The following ANKDD1B variants were observed in gnomAD, a reference collection of about 807,000 sequenced individuals.
ANKDD1B encodes ankyrin repeat and death domain-containing protein 1B.
ANKDD1B carries 57 observed loss-of-function variants against 59.7 expected under a neutral mutation model. The observed-to-expected ratio is 0.95, with a 90% CI of 0.77 to 1.19. The LOEUF is 1.19. Among genes scored for constraint, ANKDD1B ranks in the 50% most tolerant of loss-of-function variants. ANKDD1B has a pLI of 0.00. For missense variants in ANKDD1B, 602 were observed against 641.9 expected (o/e 0.94, Z 0.67); for synonymous variants, 216 against 239.5 (o/e 0.90, Z 0.91).
chr5:75,616,809 C>A lies in ANKDD1B; in HGVS notation c.199C>A (p.Pro67Thr). 1 of 1,507,862 alleles carries A rather than the reference C, an allele frequency of 6.6e-7. No individual in the cohort carries two copies. Among genetic ancestry groups the A allele is most frequent in the Non-Finnish European group, 8.9e-7 (1 of 1,123,954 alleles). The allele number at this position is 1,507,862 out of a possible 1,614,324, so 93.4% of individuals were successfully genotyped here. A position where few individuals can be genotyped will look rare whatever the true frequency, so the allele number is the denominator to read the frequency against. ...CTTGCTTTGCTTTCTTTCAGTACTC[C>A]CAAATGAGAGAAGCTTTCAGAATGC... ...TAVAGHELLLPNERSFQNAAK... is the reference protein window; with the variant it reads ...TAVAGHELLLTNERSFQNAAK... The change falls in exon 2 of 14, where the codon CCA becomes ACA. Residue 67 changes from proline to threonine, a missense_variant. By Grantham distance (38) the Pro-to-Thr change is conservative. Transcript: ENST00000601380.
At chr5:75,622,425 G>C (rs963287538) in intron 3 of ANKDD1B, among the ~76,000 whole-genome samples, 5 of 152,224 alleles carry the variant, frequency 3.3e-5, no homozygotes, top group African/African-American at 1.2e-4. Flanking sequence ...TATCTGGGGA[G>C]CAAGGACAGA....
Position 75,635,909 on chromosome 5 carries a change from T to C in ANKDD1B, c.798+27T>C, listed in dbSNP as rs769999034. 1.8e-5 allele frequency: 26 copies of C among 1,413,634 alleles called. No homozygotes were observed. In the African/African-American group the frequency reaches 2.4e-4, roughly 13 times the overall value. The allele number at this position is 1,413,634 out of a possible 1,614,324, so 87.6% of individuals were successfully genotyped here. On this transcript the variant is annotated intron_variant, in intron 7 of 13. Coordinates refer to ENST00000601380, the MANE Select transcript of ANKDD1B (RefSeq NM_001276713.2). The stretch of plus-strand genomic sequence containing the variant: ...TATGTGGAAGTGCTCGTTATTGCCA[T>C]AGGACTTAAATGTGGAAGGGTTGGA...
intron 6 of ANKDD1B, 196 bp from the exon 7 acceptor site, chr5:75,635,588 C>CA: frequency 2.6e-6 from 1 of 387,688 alleles, no homozygotes; most frequent in Non-Finnish European, 4.6e-6. Flanking sequence ...CCTACTGGTT[C>CA]AAAAAACTAT....
intron 3 of ANKDD1B, among the ~76,000 whole-genome samples, chr5:75,622,436 G>A (rs928965964): frequency 1.4e-4 from 21 of 152,328 alleles, no homozygotes; most frequent in Non-Finnish European, 2.4e-4. Context: ...CAAGGACAGA[G>A]ACTGTACCAG....
At chr5:75,662,961 G>T (rs1561450961) in intron 10 of ANKDD1B, among the ~76,000 whole-genome samples, 1 of 152,080 alleles carries the variant, frequency 6.6e-6, no homozygotes, top group Non-Finnish European at 1.5e-5. Context: ...TCAAAACATG[G>T]CTTCTACTTC....
chr5:75,630,738 T>TA (rs2112972678), intron 5 of ANKDD1B, among the ~76,000 whole-genome samples: 1 of 152,356 alleles, frequency 6.6e-6, no homozygotes, highest in South Asian at 2.1e-4. Flanking sequence ...ATTTATTAAC[T>TA]TCGAACTAAA....
chr5:75,639,050 CA>C (rs1411792439), intron 7 of ANKDD1B, among the ~76,000 whole-genome samples: 3 of 152,206 alleles, frequency 2.0e-5, no homozygotes, highest in Admixed American at 2.0e-4. Flanking sequence ...GAAACCTTAT[CA>C]GGCTCTGGGT....
rs536142269 is a variant in ANKDD1B, at chr5:75,668,500, C to T, written c.1394-752C>T. Among the ~76,000 whole-genome samples the T allele has an allele frequency of 2.6e-5, 4 of 152,250 alleles. No individual in the cohort carries two copies. The South Asian group carries it at 6.2e-4, about 24-fold the overall frequency. On this transcript the variant is annotated intron_variant, in intron 12 of 13. Coordinates refer to ENST00000601380, the MANE Select transcript of ANKDD1B (RefSeq NM_001276713.2). ...TGCAGTTCCCTCTCCCTGAAATGCC[C>T]GCTTCTCCATATCAGTCTGTCCAGT...
At chr5:75,652,191 A>C (rs1227019828) in intron 7 of ANKDD1B, among the ~76,000 whole-genome samples, 1 of 152,222 alleles carries the variant, frequency 6.6e-6, no homozygotes. Flanking sequence ...ACAATTAATC[A>C]GTCAACAACG....
At chr5:75,648,866 T>C (rs1320659274) in intron 7 of ANKDD1B, among the ~76,000 whole-genome samples, 2 of 152,234 alleles carry the variant, frequency 1.3e-5, no homozygotes, top group African/African-American at 4.8e-5. Flanking sequence ...ACACTTCACC[T>C]GCTGACACTG....
intron 5 of ANKDD1B, among the ~76,000 whole-genome samples, chr5:75,631,799 T>C (rs924449): frequency 0.028 from 4,327 of 152,188 alleles, 190 homozygotes; most frequent in African/African-American, 0.094. Flanking sequence ...AAATGTTTAG[T>C]TGAACCTTAA....
rs908957007 is a variant in ANKDD1B at position 75,671,065 on chromosome 5, T to A, written c.*25T>A. On this transcript the variant is annotated 3_prime_UTR_variant, in exon 14 of 14. Coordinates refer to ENST00000601380, the MANE Select transcript of ANKDD1B (RefSeq NM_001276713.2). ...AATGCCTAAAGAAATTGTATTTACA[T>A]GATTTTCCACTCAGCATTCAGTTCT... 6 of 1,144,408 alleles carry A rather than the reference T, an allele frequency of 5.2e-6. No individual in the cohort carries two copies. The highest frequency in any genetic ancestry group is 6.6e-6 in the Non-Finnish European group (6 of 908,048). The allele number at this position is 1,144,408 out of a possible 1,614,324, so 70.9% of individuals were successfully genotyped here.
In ANKDD1B at chr5:75,648,299, A is replaced by G. The variant is rs183759211; in HGVS notation, c.799-4843A>G. 7.6e-3 allele frequency among the ~76,000 whole-genome samples: 1,123 copies of G among 146,836 alleles called. 18 individuals carry two copies. Among genetic ancestry groups the G allele is most frequent in the African/African-American group, 0.027 (1,076 of 40,308 alleles). ...AAAAAAAAAAGAATTCATGGGAGCC[A>G]TGAAATATTCAGAATGTGGAGAATG... On this transcript the variant is annotated intron_variant, in intron 7 of 13. Transcript: ENST00000601380.
chr5:75,649,365 T>TATA (rs3041658), intron 7 of ANKDD1B, among the ~76,000 whole-genome samples: 20,168 of 152,082 alleles, frequency 0.13, 3,502 homozygotes, highest in African/African-American at 0.4. Flanking sequence ...TGTTTATAAA[T>TATA]ATGAATATTT....
chr5:75,670,440 G>T (rs546483863), intron 13 of ANKDD1B, among the ~76,000 whole-genome samples: 8 of 152,298 alleles, frequency 5.3e-5, no homozygotes, highest in African/African-American at 1.9e-4. Flanking sequence ...GTTGGCCAAA[G>T]ATTCATTCCA....
intron 5 of ANKDD1B, among the ~76,000 whole-genome samples, chr5:75,630,140 C>G (rs969556460): frequency 1.3e-5 from 2 of 151,976 alleles, no homozygotes; most frequent in Non-Finnish European, 2.9e-5. Context: ...TAAGGGAGGT[C>G]CTATGAGACT....
chr5:75,664,018 C>T (rs998767516), intron 11 of ANKDD1B, among the ~76,000 whole-genome samples: 2 of 152,242 alleles, frequency 1.3e-5, no homozygotes, highest in African/African-American at 2.4e-5. Flanking sequence ...CTGATATCTG[C>T]TACCCATGCA....
At chr5:75,652,423 A>T (rs1247570609) in intron 7 of ANKDD1B, among the ~76,000 whole-genome samples, 1 of 152,280 alleles carries the variant, frequency 6.6e-6, no homozygotes, top group East Asian at 1.9e-4. Flanking sequence ...TCACCCCGGT[A>T]ATTAAAAACA....
intron 1 of ANKDD1B, among the ~76,000 whole-genome samples, chr5:75,613,446 G>C (rs1458638408): frequency 6.6e-6 from 1 of 152,020 alleles, no homozygotes; most frequent in Admixed American, 6.6e-5. Flanking sequence ...CAAGTGTAGA[G>C]GTTGGCCTTT....
Sources: gnomAD v4.1 joint callset for allele counts (sites outside exome capture counted in the v4.1 genomes callset) on GRCh38, gnomAD v4.1.1 for gene constraint, MANE v1.5 for transcripts, NCBI Gene and HGNC (gene_info 2026-07-23, HGNC 2026-07-21) for gene names.